MBOAT1: variants seen among roughly 807,000 people sequenced by gnomAD.
MBOAT1 encodes membrane bound glycerophospholipid O-acyltransferase 1.
Under a neutral mutation model 64.4 loss-of-function variants are expected in MBOAT1, and 67 were observed. That is an observed-to-expected ratio of 1.04 (90% CI 0.85 to 1.27). The LOEUF is 1.27. Among genes scored for constraint, MBOAT1 ranks in the 50% most tolerant of loss-of-function variants. MBOAT1 has a pLI of 0.00. For missense variants in MBOAT1, 563 were observed against 604.6 expected, an observed-to-expected ratio of 0.93 and a Z score of 0.72; for synonymous variants, 229 against 218.9, an observed-to-expected ratio of 1.05 and a Z score of -0.41.
At chr6:20,191,176 G>C (rs189443042) in intron 1 of MBOAT1, among the ~76,000 whole-genome samples, 1 of 152,262 alleles carries the variant, frequency 6.6e-6, no homozygotes, top group African/African-American at 2.4e-5. Flanking sequence ...CTCGAAAACA[G>C]GTTGCTATAA....
intron 11 of MBOAT1, 152 bp from the exon 12 acceptor site, chr6:20,109,901 A>ATTTTTTTTTTTTTT (rs756853889): frequency 6.7e-6 from 2 of 296,680 alleles, no homozygotes; most frequent in Non-Finnish European, 5.7e-6. Flanking sequence ...TACCATCAGG[A>ATTTTTTTTTTTTTT]CTTTTTTTTT....
At chr6:20,139,689 G>T (rs1761113453) in intron 4 of MBOAT1, among the ~76,000 whole-genome samples, 1 of 150,642 alleles carries the variant, frequency 6.6e-6, no homozygotes, top group Admixed American at 6.7e-5. Context: ...GAATAGCTGG[G>T]ACTACAGGTA....
rs1487842466 is a variant in MBOAT1 at position 20,175,516 on chromosome 6, G to A, written c.100-22747C>T. Among the ~76,000 whole-genome samples, 4 of 151,906 alleles carry A rather than the reference G, an allele frequency of 2.6e-5. No individual in the cohort carries two copies. The East Asian group carries it at 5.8e-4, about 22-fold the overall frequency. Reference sequence around the variant, plus strand: ...GGCTGGAGTGCAGTAGCACAATCTCGGCTCACTGCAACCTCTGCCTCCTGG... The same window carrying A: ...GGCTGGAGTGCAGTAGCACAATCTCAGCTCACTGCAACCTCTGCCTCCTGG... On this transcript the variant is annotated intron_variant, in intron 1 of 12. Coordinates refer to ENST00000324607, the MANE Select transcript of MBOAT1 (RefSeq NM_001080480.3).
intron 1 of MBOAT1, among the ~76,000 whole-genome samples, chr6:20,195,564 C>G (rs1002440059): frequency 6.6e-6 from 1 of 151,968 alleles, no homozygotes; most frequent in African/African-American, 2.4e-5. Flanking sequence ...AATGGAGTGT[C>G]ACTTCTTGTA....
chr6:20,169,616 AAAGAAAAGT>A (rs1203398733), intron 1 of MBOAT1, among the ~76,000 whole-genome samples: 1 of 151,976 alleles, frequency 6.6e-6, no homozygotes, highest in Admixed American at 6.6e-5. Flanking sequence ...TTAAAAAAAA[AAAGAAAAGT>A]AAAGAAAAAG....
intron 8 of MBOAT1, 68 bp downstream of exon 8, chr6:20,124,340 T>C: frequency 1.3e-6 from 2 of 1,509,316 alleles, no homozygotes; most frequent in Non-Finnish European, 1.8e-6. Flanking sequence ...CAAAACGTCG[T>C]TCTGGCTAAG....
chr6:20,199,728 G>T (rs1763065473), intron 1 of MBOAT1, among the ~76,000 whole-genome samples: 1 of 152,190 alleles, frequency 6.6e-6, no homozygotes, highest in South Asian at 2.1e-4. Context: ...CCAGCACTTT[G>T]GGAGGCTGAA....
intron 11 of MBOAT1, among the ~76,000 whole-genome samples, chr6:20,110,123 C>G (rs867216386): frequency 4.6e-5 from 7 of 151,642 alleles, no homozygotes; most frequent in Non-Finnish European, 8.8e-5. Context: ...GTTGGCCAGG[C>G]TGGTCTCGAA....
At chr6:20,112,832 T>C in intron 11 of MBOAT1, 44 bp downstream of exon 11, 1 of 1,585,574 alleles carries the variant, frequency 6.3e-7, no homozygotes. Flanking sequence ...CATGCAGGCA[T>C]CAGATTACTA....
chr6:20,153,477 C>A (rs1459043092), intron 1 of MBOAT1, among the ~76,000 whole-genome samples: 1 of 152,140 alleles, frequency 6.6e-6, no homozygotes, highest in African/African-American at 2.4e-5. Context: ...TTATTTGGTA[C>A]CTGGGAAATC....
chr6:20,184,638 G>A (rs1248618484), intron 1 of MBOAT1, among the ~76,000 whole-genome samples: 1 of 152,058 alleles, frequency 6.6e-6, no homozygotes. Context: ...AAATCCAGCT[G>A]TGTCTGTCCC....
At chr6:20,106,772 T>G (rs2113624519) in intron 12 of MBOAT1, among the ~76,000 whole-genome samples, 1 of 152,034 alleles carries the variant, frequency 6.6e-6, no homozygotes, top group East Asian at 1.9e-4. Flanking sequence ...AAACTTAAAT[T>G]CAATAAATAA....
At chr6:20,119,422 A>C (rs1393327131) in intron 8 of MBOAT1, among the ~76,000 whole-genome samples, 1 of 152,222 alleles carries the variant, frequency 6.6e-6, no homozygotes, top group Non-Finnish European at 1.5e-5. Context: ...TTTCTAAGAA[A>C]AAATTAAAAT....
chr6:20,114,741 G>A (rs1202678573), intron 10 of MBOAT1, among the ~76,000 whole-genome samples: 1 of 152,082 alleles, frequency 6.6e-6, no homozygotes, highest in Non-Finnish European at 1.5e-5. Context: ...AAAATTAGCT[G>A]GGCTTGGTGA....
chr6:20,106,720 C>T (rs931572793), intron 12 of MBOAT1, among the ~76,000 whole-genome samples: 2 of 152,152 alleles, frequency 1.3e-5, no homozygotes, highest in African/African-American at 4.8e-5. Flanking sequence ...CCGCGCCCGA[C>T]CATCATAGAA....
intron 4 of MBOAT1, among the ~76,000 whole-genome samples, chr6:20,135,267 T>C (rs186572294): frequency 1.3e-5 from 2 of 152,150 alleles, no homozygotes; most frequent in African/African-American, 2.4e-5. Context: ...GAAACTAAGA[T>C]CATTAGTCAA....
Position 20,209,583 on chromosome 6 carries a change from A to T in MBOAT1, c.99+2553T>A, listed in dbSNP as rs75453730. 5.8e-3 allele frequency among the ~76,000 whole-genome samples: 881 copies of T among 152,342 alleles called. 8 individuals are homozygous for T. The highest frequency in any genetic ancestry group is 0.02 in the African/African-American group (849 of 41,580). On this transcript the variant is annotated intron_variant, in intron 1 of 12. Transcript: ENST00000324607. ...TTCACAGGAGTGCAATTAATCAGGAATTAGGATGTTAAGACATTAGGAAAT... is the reference window on the plus strand; with the variant it reads ...TTCACAGGAGTGCAATTAATCAGGATTTAGGATGTTAAGACATTAGGAAAT...
At chr6:20,152,335 A>AAT (rs1761522907) in intron 2 of MBOAT1, among the ~76,000 whole-genome samples, 4 of 71,442 alleles carry the variant, frequency 5.6e-5, no homozygotes, top group African/African-American at 1.6e-4. Flanking sequence ...TCAAAAAAAA[A>AAT]AAATAAAAAA....
intron 1 of MBOAT1, 167 bp downstream of exon 1, chr6:20,211,969 A>AACACACAC (rs57852903): frequency 0.056 from 25,532 of 455,206 alleles, 374 homozygotes; most frequent in African/African-American, 0.068. Flanking sequence ...AAGAAGGGAA[A>AACACACAC]ACACACACAC....
Sources: allele counts gnomAD v4.1 joint callset (sites outside exome capture counted in the v4.1 genomes callset), GRCh38; gene constraint gnomAD v4.1.1; transcripts MANE v1.5; gene names NCBI Gene and HGNC (gene_info 2026-07-23, HGNC 2026-07-21).